Variants in GRIK2 observed in about 807,000 individuals in gnomAD.
The protein encoded by GRIK2 is glutamate ionotropic receptor kainate type subunit 2, also known as glutamate receptor ionotropic, kainate 2.
In GRIK2, 32 loss-of-function variants were observed where a neutral mutation model predicts 100.3. The ratio of observed to expected loss-of-function variants is 0.32; its 90% CI spans 0.24 to 0.43. GRIK2 has a LOEUF of 0.43. GRIK2 is among the 20% of genes least tolerant of loss of function. The probability of loss-of-function intolerance (pLI) is 1.00; values close to 1 mark genes in which losing one functional copy is unlikely to be tolerated. For synonymous variants in GRIK2, 417 were observed against 389.4 expected (o/e 1.07, Z -0.83); for missense variants, 843 against 1,114.9 (o/e 0.76, Z 3.47).
At chr6:101,400,850 T>A (rs1206267639) in intron 2 of GRIK2, among the ~76,000 whole-genome samples, 1 of 152,188 alleles carries the variant, frequency 6.6e-6, no homozygotes, top group Admixed American at 6.5e-5. Context: ...GGATTCCCAC[T>A]GTAGTAGTTT....
intron 11 of GRIK2, among the ~76,000 whole-genome samples, chr6:101,881,426 A>G (rs775425187): frequency 3.2e-4 from 48 of 151,998 alleles, no homozygotes; most frequent in Non-Finnish European, 3.4e-4. Flanking sequence ...TTAGTGCAGC[A>G]CTATGCTCAT....
intron 7 of GRIK2, among the ~76,000 whole-genome samples, chr6:101,720,584 A>T (rs1562333636): frequency 6.6e-6 from 1 of 152,146 alleles, no homozygotes; most frequent in East Asian, 1.9e-4. Context: ...TTTATTTACT[A>T]ACATCATTTT....
At chr6:101,431,981 G>GT (rs759554288) in intron 2 of GRIK2, among the ~76,000 whole-genome samples, 22 of 152,078 alleles carry the variant, frequency 1.4e-4, no homozygotes, top group Non-Finnish European at 2.4e-4. Flanking sequence ...ACTCTGTATT[G>GT]TTTTTTACTG....
chr6:102,042,817 TAGTGTC>T (rs1385455408), intron 15 of GRIK2, among the ~76,000 whole-genome samples: 5 of 151,722 alleles, frequency 3.3e-5, no homozygotes, highest in Non-Finnish European at 7.4e-5. Context: ...TTTTCATACT[TAGTGTC>T]AGAGTTTCAT....
chr6:101,624,098 G>T (rs925310506), intron 3 of GRIK2, among the ~76,000 whole-genome samples: 1 of 151,896 alleles, frequency 6.6e-6, no homozygotes, highest in African/African-American at 2.4e-5. Context: ...GTTTTAAAGG[G>T]TAGTATTGTT....
chr6:101,957,746 G>A (rs1792028564), intron 14 of GRIK2, among the ~76,000 whole-genome samples: 1 of 151,894 alleles, frequency 6.6e-6, no homozygotes, highest in African/African-American at 2.4e-5. Context: ...CTCTATGTAT[G>A]GCAATCCAGT....
chr6:101,787,862 C>T (rs1051299403), intron 7 of GRIK2, among the ~76,000 whole-genome samples: 19 of 152,060 alleles, frequency 1.2e-4, no homozygotes, highest in African/African-American at 4.3e-4. Context: ...TGATTTTCTA[C>T]CTAGATGAGC....
At chr6:102,031,861 A>G (rs2852607) in intron 14 of GRIK2, among the ~76,000 whole-genome samples, 41,726 of 151,100 alleles carry the variant, frequency 0.28, 6,147 homozygotes, top group East Asian at 0.34. Context: ...ATAAAAGAGT[A>G]ACTTGGCTCT....
At chr6:101,836,614 TA>T (rs1322929403) in intron 10 of GRIK2, among the ~76,000 whole-genome samples, 1 of 128,444 alleles carries the variant, frequency 7.8e-6, no homozygotes, top group Non-Finnish European at 1.6e-5. Context: ...TTGCTATATA[TA>T]TAGTTATATA....
At chr6:101,767,882 G>C (rs963991028) in intron 7 of GRIK2, among the ~76,000 whole-genome samples, 3 of 151,366 alleles carry the variant, frequency 2.0e-5, no homozygotes, top group African/African-American at 7.3e-5. Flanking sequence ...TTTTGAAACA[G>C]GGTCTGCCTC....
chr6:101,693,372 G>A (rs1286318933), intron 7 of GRIK2, among the ~76,000 whole-genome samples: 5 of 151,214 alleles, frequency 3.3e-5, no homozygotes, highest in African/African-American at 1.2e-4. Flanking sequence ...ACTTATAAAG[G>A]ATAAATACAT....
At chr6:101,936,466 T>G (rs1790624073) in intron 14 of GRIK2, among the ~76,000 whole-genome samples, 1 of 152,106 alleles carries the variant, frequency 6.6e-6, no homozygotes, top group Admixed American at 6.6e-5. Flanking sequence ...ATTGGTCATG[T>G]TTGATATAAA....
chr6:101,860,452 A>G (rs1044102411), intron 11 of GRIK2, among the ~76,000 whole-genome samples: 1 of 152,208 alleles, frequency 6.6e-6, no homozygotes, highest in African/African-American at 2.4e-5. Context: ...CATGAACATG[A>G]ACATGCCTCT....
At chr6:101,925,934 T>G (rs1789859230) in intron 13 of GRIK2, among the ~76,000 whole-genome samples, 1 of 151,932 alleles carries the variant, frequency 6.6e-6, no homozygotes, top group African/African-American at 2.4e-5. Context: ...AAGAAAAAGT[T>G]TAATTTACCA....
intron 2 of GRIK2, among the ~76,000 whole-genome samples, chr6:101,592,573 G>A (rs944855167): frequency 2.6e-5 from 3 of 113,216 alleles, no homozygotes; most frequent in Non-Finnish European, 5.3e-5. Flanking sequence ...TCATGGGATA[G>A]AATTACTAAT....
intron 11 of GRIK2, among the ~76,000 whole-genome samples, chr6:101,877,463 G>A (rs1372553149): frequency 1.3e-5 from 2 of 151,798 alleles, no homozygotes; most frequent in Non-Finnish European, 2.9e-5. Context: ...ATGTGCATAG[G>A]TTATATGCAA....
At chr6:102,037,217 A>T (rs1266843610) in intron 15 of GRIK2, among the ~76,000 whole-genome samples, 2 of 151,354 alleles carry the variant, frequency 1.3e-5, no homozygotes, top group Non-Finnish European at 3.0e-5. Context: ...ATGAAAAAAA[A>T]CAAACGAGTT....
intron 11 of GRIK2, among the ~76,000 whole-genome samples, chr6:101,873,326 A>G (rs1479577279): frequency 1.4e-5 from 2 of 138,478 alleles, no homozygotes; most frequent in African/African-American, 5.4e-5. Context: ...ATTCCCACCT[A>G]TGAGTGAGAA....
rs148725542 is a variant in GRIK2, at chr6:101,630,892, T to C, written c.541+4255T>C. 2.7e-4 allele frequency among the ~76,000 whole-genome samples: 41 copies of C among 152,290 alleles called. No individual in the cohort carries two copies. In the East Asian group the frequency reaches 6.9e-3, roughly 26 times the overall value. On this transcript the variant is annotated intron_variant, in intron 4 of 16. Transcript: ENST00000369134. ...CTTTTTCCTTTCCATATTTATTTATTATGTATGCTGTTGCTCCCATTTGTA... is the reference window on the plus strand; with the variant it reads ...CTTTTTCCTTTCCATATTTATTTATCATGTATGCTGTTGCTCCCATTTGTA...
Sources: gnomAD v4.1 joint callset for allele counts (sites outside exome capture counted in the v4.1 genomes callset) on GRCh38, gnomAD v4.1.1 for gene constraint, MANE v1.5 for transcripts, NCBI Gene and HGNC (gene_info 2026-07-23, HGNC 2026-07-21) for gene names.